The following SRL variants were observed in gnomAD, a reference collection of about 807,000 sequenced individuals.
SRL encodes the protein sarcalumenin.
SRL carries 23 observed loss-of-function variants against 39.5 expected under a neutral mutation model. That is an observed-to-expected ratio of 0.58 (90% CI 0.42 to 0.82). The LOEUF (loss-of-function observed/expected upper bound fraction) is 0.82. Among genes scored for constraint, SRL ranks in the 40% least tolerant of loss-of-function variants. The probability of loss-of-function intolerance (pLI) is 0.00; values close to 1 mark genes in which losing one functional copy is unlikely to be tolerated. For missense variants in SRL, 592 were observed against 607.8 expected (o/e 0.97, Z 0.27); for synonymous variants, 272 against 237.4 (o/e 1.15, Z -1.34).
In SRL at chr16:4,211,882, A is replaced by T. The variant is rs2052398678; in HGVS notation, c.62-7248T>A. The stretch of plus-strand genomic sequence containing the variant: ...TGACGACGATGGTGATGATGGTGAG[A>T]GTGATGATGACAATGATGATGAGAA... On this transcript the variant is annotated intron_variant, in intron 1 of 5. Transcript: ENST00000399609. Among the ~76,000 whole-genome samples, 7 of 151,992 alleles carry T rather than the reference A, an allele frequency of 4.6e-5. No homozygotes were observed. The South Asian group carries it at 1.5e-3, about 32-fold the overall frequency.
chr16:4,238,737 C>A (rs991288284), intron 1 of SRL, among the ~76,000 whole-genome samples: 1 of 151,946 alleles, frequency 6.6e-6, no homozygotes, highest in Non-Finnish European at 1.5e-5. Context: ...ATCCTCCCCC[C>A]TCGGCCTCTC....
chr16:4,200,535 C>T (rs1442294806), intron 3 of SRL, among the ~76,000 whole-genome samples: 1 of 152,216 alleles, frequency 6.6e-6, no homozygotes, highest in Non-Finnish European at 1.5e-5. Context: ...GAAGCGGGAC[C>T]TCCCTGCAGA....
intron 1 of SRL, among the ~76,000 whole-genome samples, chr16:4,217,929 G>A (rs905989803): frequency 2.0e-5 from 3 of 152,076 alleles, no homozygotes; most frequent in African/African-American, 7.2e-5. Flanking sequence ...CTTCTGCCAG[G>A]GACTCCTCCT....
chr16:4,210,473 G>A (rs868504415), intron 1 of SRL, among the ~76,000 whole-genome samples: 2 of 137,554 alleles, frequency 1.5e-5, no homozygotes, highest in Non-Finnish European at 3.1e-5. Flanking sequence ...GGTAAAATGA[G>A]TATTACTCAT....
intron 1 of SRL, among the ~76,000 whole-genome samples, chr16:4,209,267 C>T (rs1307441666): frequency 2.0e-5 from 3 of 150,980 alleles, no homozygotes; most frequent in Admixed American, 2.0e-4. Context: ...AGTGAGACTC[C>T]ATCTCAAAAA....
chr16:4,223,359 C>T (rs1454251336), intron 1 of SRL, among the ~76,000 whole-genome samples: 1 of 149,420 alleles, frequency 6.7e-6, no homozygotes, highest in Non-Finnish European at 1.5e-5. Flanking sequence ...AAGGAGTGGG[C>T]AGGAGGCCTC....
At chr16:4,220,787 A>T (rs1284376238) in intron 1 of SRL, among the ~76,000 whole-genome samples, 1 of 151,530 alleles carries the variant, frequency 6.6e-6, no homozygotes, top group Non-Finnish European at 1.5e-5. Context: ...CCAGGAGTTC[A>T]AGACCAGCCT....
intron 1 of SRL, among the ~76,000 whole-genome samples, chr16:4,235,144 C>T (rs942874577): frequency 1.3e-5 from 2 of 152,104 alleles, no homozygotes; most frequent in East Asian, 3.9e-4. Context: ...CCAAATAGGG[C>T]GGAGGCAGAC....
At chr16:4,227,636 C>A (rs899621418) in intron 1 of SRL, among the ~76,000 whole-genome samples, 1 of 152,102 alleles carries the variant, frequency 6.6e-6, no homozygotes, top group Non-Finnish European at 1.5e-5. Flanking sequence ...AAATGGAAGA[C>A]CTTCCGTCAA....
chr16:4,192,504 T>C lies in SRL; in HGVS notation c.1071A>G (p.Lys357=), dbSNP rs760958308. The change falls in exon 6 of 6, where the codon AAA becomes AAG. Residue 357 remains lysine (K), a synonymous_variant. Coordinates refer to ENST00000399609, the MANE Select transcript of SRL (RefSeq NM_001098814.2). This position sits in a 1 kb window ranked among gnomAD's most constrained non-coding sequence, Gnocchi z 4.0. ...VDRYLQTYKD[K]MTFFSDGELV... ...GTTCTCCATCACTGAAGAAGGTCAT[T>C]TTGTCCTTGTAAGTCTGCAGGTAGC... 1 of 1,614,134 alleles carries C rather than the reference T, an allele frequency of 6.2e-7. No individual in the cohort carries two copies. The highest frequency in any genetic ancestry group is 8.5e-7 in the Non-Finnish European group (1 of 1,180,040).
At chr16:4,234,696 C>T (rs945324300) in intron 1 of SRL, among the ~76,000 whole-genome samples, 1 of 152,158 alleles carries the variant, frequency 6.6e-6, no homozygotes, top group African/African-American at 2.4e-5. Context: ...TAGGGATGAG[C>T]ACAGGGGACT....
intron 1 of SRL, among the ~76,000 whole-genome samples, chr16:4,212,490 T>C (rs4074565): frequency 0.2 from 29,923 of 152,132 alleles, 3,214 homozygotes; most frequent in Admixed American, 0.25. Flanking sequence ...CTCCCTTGCT[T>C]CTTGCCGAAG....
intron 4 of SRL, among the ~76,000 whole-genome samples, chr16:4,197,083 T>TTTTTTTGTG (rs1555453611): frequency 4.3e-5 from 3 of 69,844 alleles, no homozygotes; most frequent in Non-Finnish European, 8.4e-5. Context: ...TTTTTTTTTT[T>TTTTTTTGTG]TGTGAGACAG....
At position 4,203,193 on chromosome 16, in the gene SRL, T is replaced by C. The variant is rs778797730; in HGVS notation, c.232A>G (p.Asn78Asp). Residue 78 changes from asparagine to aspartate, a missense_variant, in exon 3 of 6, where the codon AAT becomes GAT. Coordinates refer to ENST00000399609, the MANE Select transcript of SRL (RefSeq NM_001098814.2). ...IKPLEQSYKY[N>D]ELRQHEITDG... ...GTGATCTCATGCTGCCGGAGCTCAT[T>C]GTACTTGTAGGACTGCTCCAGAGGC... is the stretch of plus-strand genomic sequence containing the variant. 4 of 1,614,060 alleles carry C rather than the reference T, an allele frequency of 2.5e-6. No individual in the cohort carries two copies. Among genetic ancestry groups the C allele is most frequent in the African/African-American group, 2.7e-5 (2 of 74,936 alleles).
chr16:4,234,658 C>A (rs1389909221), intron 1 of SRL, among the ~76,000 whole-genome samples: 1 of 152,176 alleles, frequency 6.6e-6, no homozygotes, highest in African/African-American at 2.4e-5. Context: ...GCACCCACCC[C>A]TGTCACGTCC....
intron 1 of SRL, among the ~76,000 whole-genome samples, chr16:4,213,381 TC>T (rs1264516238): frequency 1.2e-4 from 17 of 146,842 alleles, no homozygotes; most frequent in Admixed American, 3.3e-4. Flanking sequence ...GCTTACAGCA[TC>T]TTTTTTTTTC....
intron 5 of SRL, among the ~76,000 whole-genome samples, chr16:4,194,805 T>A (rs1300679328): frequency 3.3e-5 from 5 of 152,108 alleles, no homozygotes; most frequent in Non-Finnish European, 7.4e-5. Context: ...AGGGTGGAAG[T>A]TAAGAATGCC....
intron 1 of SRL, among the ~76,000 whole-genome samples, chr16:4,229,624 T>C (rs962179642): frequency 2.0e-5 from 3 of 152,022 alleles, no homozygotes; most frequent in African/African-American, 7.2e-5. Flanking sequence ...CACTGTGGAC[T>C]ACTAGATGGG....
intron 5 of SRL, among the ~76,000 whole-genome samples, chr16:4,194,968 C>T (rs1007686391): frequency 6.6e-6 from 1 of 151,956 alleles, no homozygotes; most frequent in African/African-American, 2.4e-5. Flanking sequence ...GACCACAGCT[C>T]ACTGCAGCCT....
Sources: allele counts gnomAD v4.1 joint callset (sites outside exome capture counted in the v4.1 genomes callset), GRCh38; gene constraint gnomAD v4.1.1; non-coding constraint Gnocchi (gnomAD v3.1); transcripts MANE v1.5; gene names NCBI Gene and HGNC (gene_info 2026-07-23, HGNC 2026-07-21).